Variants in WDFY2 observed in about 807,000 individuals in gnomAD.
WDFY2 encodes the protein WD repeat and FYVE domain-containing protein 2.
WDFY2 carries 36 observed loss-of-function variants against 56.4 expected under a neutral mutation model. That is an observed-to-expected ratio of 0.64 (90% confidence interval 0.49 to 0.84). The LOEUF (loss-of-function observed/expected upper bound fraction) is 0.84. Among genes scored for constraint, WDFY2 ranks in the 40% least tolerant of loss-of-function variants. The probability of loss-of-function intolerance (pLI) is 0.00; values close to 1 mark genes in which losing one functional copy is unlikely to be tolerated. For synonymous variants in WDFY2, 176 were observed against 183.7 expected (o/e 0.96, Z 0.34); for missense variants, 444 against 512.2 (o/e 0.87, Z 1.29).
At chr13:51,688,277 T>C (rs1956094658) in intron 3 of WDFY2, among the ~76,000 whole-genome samples, 1 of 152,160 alleles carries the variant, frequency 6.6e-6, no homozygotes, top group African/African-American at 2.4e-5. Context: ...TTTCTGCTTA[T>C]TTTTCTTTTG....
At chr13:51,660,188 T>TTC (rs1261122180) in intron 1 of WDFY2, among the ~76,000 whole-genome samples, 1 of 151,720 alleles carries the variant, frequency 6.6e-6, no homozygotes, top group South Asian at 2.1e-4. Flanking sequence ...TGTTAAGATA[T>TTC]TCTCTCTCTC....
At chr13:51,617,565 T>G (rs1050542869) in intron 1 of WDFY2, among the ~76,000 whole-genome samples, 2 of 152,212 alleles carry the variant, frequency 1.3e-5, no homozygotes, top group African/African-American at 4.8e-5. Context: ...TTTTTCATCC[T>G]TAACTGTCCT....
intron 6 of WDFY2, among the ~76,000 whole-genome samples, chr13:51,732,005 C>T (rs1354570268): frequency 6.6e-6 from 1 of 152,174 alleles, no homozygotes; most frequent in Non-Finnish European, 1.5e-5. Flanking sequence ...GTTTTATGTT[C>T]TTATGCTCCC....
At chr13:51,680,572 T>G (rs900040861) in intron 3 of WDFY2, among the ~76,000 whole-genome samples, 1 of 152,216 alleles carries the variant, frequency 6.6e-6, no homozygotes, top group Non-Finnish European at 1.5e-5. Flanking sequence ...TCAGTACATC[T>G]GGTAATATTG....
intron 1 of WDFY2, among the ~76,000 whole-genome samples, chr13:51,626,416 A>T (rs979763466): frequency 1.3e-5 from 2 of 152,342 alleles, no homozygotes; most frequent in Admixed American, 1.3e-4. Flanking sequence ...TTATACCAAC[A>T]TACACAAAAA....
rs1225358271 is a variant in WDFY2 at position 51,584,816 on chromosome 13, C to T, written c.129C>T (p.Ser43=). ...VPKEEGVISV[S]EDRTVRVWLK... ...AAGAGGAGGGCGTCATCAGCGTCTC[C>T]GAGGACAGGTATGGACTACTGCCAT... is the stretch of plus-strand genomic sequence containing the variant. The change falls in exon 1 of 12, where the codon TCC becomes TCT. Residue 43 remains serine (S), a synonymous_variant. Transcript: ENST00000298125. 2.5e-6 allele frequency: 4 copies of T among 1,613,788 alleles called. No individual in the cohort carries two copies. Among genetic ancestry groups the T allele is most frequent in the African/African-American group, 1.3e-5 (1 of 75,056 alleles).
intron 1 of WDFY2, among the ~76,000 whole-genome samples, chr13:51,626,762 AT>A (rs1341230029): frequency 2.0e-5 from 3 of 152,262 alleles, no homozygotes; most frequent in South Asian, 2.1e-4. Flanking sequence ...ATTAATTTCC[AT>A]TCCTTGTAGA....
chr13:51,623,207 A>G (rs1303943287), intron 1 of WDFY2, among the ~76,000 whole-genome samples: 1 of 150,186 alleles, frequency 6.7e-6, no homozygotes, highest in African/African-American at 2.5e-5. Context: ...TGTTTTTTTT[A>G]AAGCGTAATT....
intron 8 of WDFY2, 115 bp from the exon 9 acceptor site, chr13:51,755,243 C>T: frequency 1.1e-6 from 1 of 940,650 alleles, no homozygotes; most frequent in Non-Finnish European, 1.6e-6. Flanking sequence ...TGAGAAATCA[C>T]ACCTCTGTTT....
At chr13:51,693,137 A>G (rs1435816209) in intron 3 of WDFY2, among the ~76,000 whole-genome samples, 1 of 152,084 alleles carries the variant, frequency 6.6e-6, no homozygotes, top group African/African-American at 2.4e-5. Flanking sequence ...GATCCTTTCA[A>G]AAAACCAGCT....
At chr13:51,737,379 C>A (rs755662022) in intron 6 of WDFY2, among the ~76,000 whole-genome samples, 9 of 151,880 alleles carry the variant, frequency 5.9e-5, no homozygotes, top group Non-Finnish European at 1.2e-4. Context: ...AAGGGCATTT[C>A]TTTCATATTC....
At chr13:51,644,237 C>T (rs1402346583) in intron 1 of WDFY2, among the ~76,000 whole-genome samples, 1 of 152,208 alleles carries the variant, frequency 6.6e-6, no homozygotes, top group Admixed American at 6.5e-5. Flanking sequence ...AGGGCACTAT[C>T]TGCAGACACA....
In WDFY2 at chr13:51,764,434, G is replaced by C. The variant is rs1299975345; in HGVS notation, c.*4665G>C. ...GGGAAAAATGGAAATGACTTTCCAG[G>C]CTTCAGAAACAGCATAAACAAACAA... On this transcript the variant is annotated 3_prime_UTR_variant, in exon 12 of 12. Transcript: ENST00000298125. 1 of 152,948 alleles carries C rather than the reference G, an allele frequency of 6.5e-6. No individual in the cohort carries two copies. Among genetic ancestry groups the C allele is most frequent in the Non-Finnish European group, 1.5e-5 (1 of 68,174 alleles). 9.5% of individuals were successfully genotyped at this position (152,948 alleles called of 1,614,324 possible).
intron 2 of WDFY2, among the ~76,000 whole-genome samples, chr13:51,669,588 T>C (rs1955772355): frequency 6.6e-6 from 1 of 152,218 alleles, no homozygotes; most frequent in Non-Finnish European, 1.5e-5. Context: ...AGAAATCTTA[T>C]TCAGGTAACA....
intron 3 of WDFY2, among the ~76,000 whole-genome samples, chr13:51,688,738 T>C (rs1956102047): frequency 6.6e-6 from 1 of 152,192 alleles, no homozygotes; most frequent in Admixed American, 6.6e-5. Flanking sequence ...CTAAATATTA[T>C]GATGTTAGGT....
At chr13:51,690,341 C>T (rs1407288978) in intron 3 of WDFY2, among the ~76,000 whole-genome samples, 1 of 113,004 alleles carries the variant, frequency 8.8e-6, no homozygotes, top group Admixed American at 1.0e-4. Flanking sequence ...GCTATCCCTC[C>T]CCCCTCCCCC....
intron 10 of WDFY2, 47 bp from the exon 11 acceptor site, chr13:51,758,145 A>G (rs1953457269): frequency 2.1e-6 from 3 of 1,460,408 alleles, no homozygotes; most frequent in Admixed American, 1.7e-5. Flanking sequence ...TCTCTCATTC[A>G]TATGTCACCA....
chr13:51,609,131 A>G (rs1227436308), intron 1 of WDFY2, among the ~76,000 whole-genome samples: 1 of 152,216 alleles, frequency 6.6e-6, no homozygotes, highest in Non-Finnish European at 1.5e-5. Context: ...ATTGTGAAAT[A>G]TACAGAAAAG....
At chr13:51,586,307 T>C in intron 1 of WDFY2, 1 of 365,976 alleles carries the variant, frequency 2.7e-6, no homozygotes, top group Non-Finnish European at 4.8e-6. Context: ...CTGTAACTAC[T>C]GGAGATGGAA....
Sources: allele counts gnomAD v4.1 joint callset (sites outside exome capture counted in the v4.1 genomes callset), GRCh38; gene constraint gnomAD v4.1.1; transcripts MANE v1.5; gene names NCBI Gene and HGNC (gene_info 2026-07-23, HGNC 2026-07-21).